GRM5: variants seen among roughly 807,000 people sequenced by gnomAD.
GRM5 encodes the protein metabotropic glutamate receptor 5.
A neutral mutation model predicts 83.1 loss-of-function variants in GRM5; 19 were observed. The observed-to-expected ratio is 0.23, with a 90% CI of 0.16 to 0.34. The LOEUF (loss-of-function observed/expected upper bound fraction) is 0.34. Ranked by LOEUF, GRM5 falls within the 10% of genes least tolerant of loss-of-function variation. The pLI is 1.00. For synonymous variants in GRM5, 675 were observed against 633.6 expected (o/e 1.07, Z -0.98); for missense variants, 1,160 against 1,588.3 (o/e 0.73, Z 4.58).
chr11:88,589,668 C>G (rs1937606814), intron 7 of GRM5, among the ~76,000 whole-genome samples: 1 of 152,166 alleles, frequency 6.6e-6, no homozygotes, highest in Non-Finnish European at 1.5e-5. Context: ...CCTGACATAC[C>G]ACATGGAGGG....
At chr11:88,964,808 T>C (rs1307374903) in intron 2 of GRM5, among the ~76,000 whole-genome samples, 1 of 149,374 alleles carries the variant, frequency 6.7e-6, no homozygotes, top group East Asian at 1.9e-4. Context: ...AGCAATAGAC[T>C]TGGCCTACTT....
At chr11:88,516,614 G>A (rs1941527025) in intron 9 of GRM5, among the ~76,000 whole-genome samples, 1 of 152,142 alleles carries the variant, frequency 6.6e-6, no homozygotes, top group East Asian at 1.9e-4. Flanking sequence ...TCTGATGTAC[G>A]AAGGGGATGT....
rs144059022 is a variant in GRM5, at chr11:88,778,943, C to G, written c.911+70963G>C. On this transcript the variant is annotated intron_variant, in intron 3 of 9. Coordinates refer to ENST00000305447, the MANE Select transcript of GRM5 (RefSeq NM_001143831.3). ...AGGAAGATCTTGGCCTACTGCCCTTCTGGGTTAAATAAAATGAGCTACCAT... is the reference window on the plus strand; with the variant it reads ...AGGAAGATCTTGGCCTACTGCCCTTGTGGGTTAAATAAAATGAGCTACCAT... Among the ~76,000 whole-genome samples, 475 of 152,290 alleles carry G rather than the reference C, an allele frequency of 3.1e-3. 2 individuals are homozygous for G. The highest frequency in any genetic ancestry group is 0.011 in the African/African-American group (456 of 41,568).
intron 2 of GRM5, among the ~76,000 whole-genome samples, chr11:88,874,303 G>C (rs1360602256): frequency 1.3e-5 from 2 of 151,812 alleles, no homozygotes; most frequent in East Asian, 3.9e-4. Context: ...CCAGCCAATT[G>C]CTTTTTGACA....
chr11:88,630,548 C>T (rs902974365), intron 4 of GRM5, among the ~76,000 whole-genome samples: 2 of 16,262 alleles, frequency 1.2e-4, no homozygotes, highest in African/African-American at 2.9e-4. Context: ...TACACACACA[C>T]ACACACACAC....
intron 2 of GRM5, chr11:89,009,219 C>T (rs1940614890): frequency 3.4e-6 from 2 of 580,548 alleles, no homozygotes; most frequent in Non-Finnish European, 6.2e-6. Context: ...ATTAGCATAC[C>T]AAGATGTAAT....
intron 3 of GRM5, among the ~76,000 whole-genome samples, chr11:88,733,152 T>A (rs886273306): frequency 7.2e-5 from 11 of 152,030 alleles, no homozygotes. Flanking sequence ...CTCTGAGTAT[T>A]GATGCATTAT....
At chr11:89,028,105 C>A (rs1025913010) in intron 2 of GRM5, among the ~76,000 whole-genome samples, 19 of 152,188 alleles carry the variant, frequency 1.2e-4, no homozygotes, top group Admixed American at 9.2e-4. Flanking sequence ...GACCTTCCAG[C>A]CAACAGAATT....
At chr11:88,983,110 A>G (rs1343694964) in intron 2 of GRM5, among the ~76,000 whole-genome samples, 1 of 152,174 alleles carries the variant, frequency 6.6e-6, no homozygotes, top group African/African-American at 2.4e-5. Context: ...GGCATGATAT[A>G]GCCTCCTTTT....
At chr11:89,017,846 G>A (rs1180906386) in intron 2 of GRM5, among the ~76,000 whole-genome samples, 2 of 152,118 alleles carry the variant, frequency 1.3e-5, no homozygotes, top group East Asian at 3.9e-4. Context: ...TTCCTACAGA[G>A]AAAGGGTCAT....
intron 2 of GRM5, among the ~76,000 whole-genome samples, chr11:89,003,176 T>A (rs892200160): frequency 1.3e-5 from 2 of 152,216 alleles, no homozygotes; most frequent in African/African-American, 4.8e-5. Context: ...AGCAGTGGAA[T>A]CAACTACATG....
At chr11:88,628,813 G>T (rs560160313) in intron 4 of GRM5, among the ~76,000 whole-genome samples, 18 of 152,262 alleles carry the variant, frequency 1.2e-4, no homozygotes, top group African/African-American at 4.1e-4. Context: ...TGTAGATTGT[G>T]AAGTGCTCCT....
At chr11:88,691,032 T>A (rs1322738808) in intron 3 of GRM5, among the ~76,000 whole-genome samples, 1 of 152,174 alleles carries the variant, frequency 6.6e-6, no homozygotes, top group Non-Finnish European at 1.5e-5. Context: ...TCCCTGCCTT[T>A]AAGGTCTTCT....
intron 2 of GRM5, among the ~76,000 whole-genome samples, chr11:88,995,883 G>A (rs757113353): frequency 2.6e-5 from 4 of 152,020 alleles, no homozygotes; most frequent in Non-Finnish European, 5.9e-5. Flanking sequence ...GGCATGGAAA[G>A]AGGAAGAACC....
chr11:88,754,210 A>G (rs1283449522), intron 3 of GRM5, among the ~76,000 whole-genome samples: 1 of 152,108 alleles, frequency 6.6e-6, no homozygotes, highest in Non-Finnish European at 1.5e-5. Flanking sequence ...ACCTGTTCTG[A>G]CTTATAAATG....
intron 3 of GRM5, among the ~76,000 whole-genome samples, chr11:88,707,284 G>C (rs1166021051): frequency 3.3e-5 from 5 of 151,996 alleles, no homozygotes; most frequent in Non-Finnish European, 2.9e-5. Context: ...AAATACTTAG[G>C]TCAGTGCCTG....
chr11:88,586,369 T>C (rs899103835), intron 7 of GRM5, among the ~76,000 whole-genome samples: 1 of 152,204 alleles, frequency 6.6e-6, no homozygotes, highest in African/African-American at 2.4e-5. Flanking sequence ...GATAATCTTA[T>C]AGGATTGTGT....
intron 3 of GRM5, among the ~76,000 whole-genome samples, chr11:88,680,675 GCA>G (rs1370682668): frequency 6.6e-6 from 1 of 152,098 alleles, no homozygotes; most frequent in African/African-American, 2.4e-5. Flanking sequence ...AAAGACACAG[GCA>G]CACGTATGTT....
intron 3 of GRM5, among the ~76,000 whole-genome samples, chr11:88,668,297 GCACACA>G (rs72052705): frequency 0.033 from 4,237 of 130,036 alleles, 73 homozygotes; most frequent in South Asian, 0.088. Flanking sequence ...CCAGAAACTC[GCACACA>G]CACACACACA....
Sources: gnomAD v4.1 joint callset for allele counts (sites outside exome capture counted in the v4.1 genomes callset) on GRCh38, gnomAD v4.1.1 for gene constraint, MANE v1.5 for transcripts, NCBI Gene and HGNC (gene_info 2026-07-23, HGNC 2026-07-21) for gene names.